FLOT2: variants seen among roughly 807,000 people sequenced by gnomAD.
FLOT2 encodes the protein flotillin 2.
A neutral mutation model predicts 54.9 loss-of-function variants in FLOT2; 35 were observed. The ratio of observed to expected loss-of-function variants is 0.64; its 90% CI spans 0.49 to 0.84. The LOEUF is 0.84. Ranked by LOEUF, FLOT2 falls within the 40% of genes least tolerant of loss-of-function variation. The pLI, the probability that FLOT2 is intolerant of heterozygous loss-of-function variation, is 0.00. For missense variants in FLOT2, 464 were observed against 572.1 expected (o/e 0.81, Z 1.93); for synonymous variants, 207 against 228.9 (o/e 0.90, Z 0.86).
At chr17:28,889,271 T>C (rs1009688505) in intron 1 of FLOT2, among the ~76,000 whole-genome samples, 1 of 151,962 alleles carries the variant, frequency 6.6e-6, no homozygotes, top group Non-Finnish European at 1.5e-5. Context: ...TAGTTTAGAA[T>C]GTAAGTGCTT....
At chr17:28,888,107 C>A (rs1172037965) in intron 2 of FLOT2, among the ~76,000 whole-genome samples, 1 of 152,246 alleles carries the variant, frequency 6.6e-6, no homozygotes, top group Middle Eastern at 3.2e-3. Flanking sequence ...AACATGCCCA[C>A]AGCTCTGCTG....
Position 28,882,506 on chromosome 17 carries a change from G to A in FLOT2, c.466-56C>T. 9 of 1,589,110 alleles carry A rather than the reference G, an allele frequency of 5.7e-6. No individual in the cohort carries two copies. Among genetic ancestry groups the A allele is most frequent in the Non-Finnish European group, 7.8e-6 (9 of 1,157,454 alleles). On this transcript the variant is annotated intron_variant, in intron 5 of 10. Coordinates refer to ENST00000394908, the MANE Select transcript of FLOT2 (RefSeq NM_004475.3). The surrounding 1 kb of genome is among the most constrained non-coding windows in gnomAD (Gnocchi z 5.6). ...AAGGAGCAGCCAGAGGCACAAAGGT[G>A]CCCCTCTAACAAAGCCACCATCTCC...
intron 2 of FLOT2, among the ~76,000 whole-genome samples, chr17:28,886,437 ACTAT>A (rs1370202730): frequency 6.6e-6 from 1 of 152,236 alleles, no homozygotes; most frequent in African/African-American, 2.4e-5. Context: ...CCAGGTCTGC[ACTAT>A]CTATCACTAA....
chr17:28,895,016 A>G (rs528405930), intron 1 of FLOT2, among the ~76,000 whole-genome samples: 1 of 142,646 alleles, frequency 7.0e-6, no homozygotes, highest in Admixed American at 7.4e-5. Context: ...GGCTCAAGCG[A>G]TCCTCCCACC....
At position 28,881,140 on chromosome 17, in the gene FLOT2, T is replaced by C. The variant is rs546812286; in HGVS notation, c.1098+52A>G. ...AGAGAAGTTCTGGCACTTGCCCAGC[T>C]TGTCAAGCAAGGACACTTGAACCCT... On this transcript the variant is annotated intron_variant, in intron 9 of 10. Transcript: ENST00000394908. The C allele has an allele frequency of 7.8e-6, 12 of 1,541,070 alleles. No individual in the cohort carries two copies. In the South Asian group the frequency reaches 1.4e-4, roughly 18 times the overall value.
In FLOT2 at chr17:28,897,265, C is replaced by A. The variant is rs918472703; in HGVS notation, c.49+261G>T. On this transcript the variant is annotated intron_variant, in intron 1 of 10. Coordinates refer to ENST00000394908, the MANE Select transcript of FLOT2 (RefSeq NM_004475.3). The surrounding 1 kb of genome is among the most constrained non-coding windows in gnomAD (Gnocchi z 4.4). ...CTCACAGTAGAGCGGCGGGGAGGCC[C>A]GCCTAGGGAGGGGGAGGAGAAGCAA... Among the ~76,000 whole-genome samples, 1 of 152,226 alleles carries A rather than the reference C, an allele frequency of 6.6e-6. No individual in the cohort carries two copies. The highest frequency in any genetic ancestry group is 1.5e-5 in the Non-Finnish European group (1 of 68,026).
Position 28,884,376 on chromosome 17 carries a change from A to G in FLOT2, c.132-61T>C, listed in dbSNP as rs190517951. 9.1e-7 allele frequency: 1 copy of G among 1,101,364 alleles called. No individual in the cohort carries two copies. Among genetic ancestry groups the G allele is most frequent in the Non-Finnish European group, 1.4e-6 (1 of 737,458 alleles). The allele number at this position is 1,101,364 out of a possible 1,614,324, so 68.2% of individuals were successfully genotyped here. On this transcript the variant is annotated intron_variant, in intron 2 of 10. Coordinates refer to ENST00000394908, the MANE Select transcript of FLOT2 (RefSeq NM_004475.3). This position sits in a 1 kb window ranked among gnomAD's most constrained non-coding sequence, Gnocchi z 5.1. ...GGGCGCAGGGCCTGGTGGTGTTGGGAAAGAGGCCAGTACCTCACTGCTCCG... is the reference window on the plus strand; with the variant it reads ...GGGCGCAGGGCCTGGTGGTGTTGGGGAAGAGGCCAGTACCTCACTGCTCCG...
At position 28,897,128 on chromosome 17, in the gene FLOT2, G is replaced by A. The variant is rs1247800989; in HGVS notation, c.49+398C>T. ...ATACAGGCACCTGCCCTCCAGGGCT[G>A]CGCGACCCGCCCCCCATCCCGGGCG... On this transcript the variant is annotated intron_variant, in intron 1 of 10. Coordinates refer to ENST00000394908, the MANE Select transcript of FLOT2 (RefSeq NM_004475.3). This position sits in a 1 kb window ranked among gnomAD's most constrained non-coding sequence, Gnocchi z 4.4. Among the ~76,000 whole-genome samples, 1 of 152,150 alleles carries A rather than the reference G, an allele frequency of 6.6e-6. No individual in the cohort carries two copies. Among genetic ancestry groups the A allele is most frequent in the African/African-American group, 2.4e-5 (1 of 41,438 alleles).
At chr17:28,891,514 C>A (rs1158770332) in intron 1 of FLOT2, among the ~76,000 whole-genome samples, 1 of 152,222 alleles carries the variant, frequency 6.6e-6, no homozygotes, top group Admixed American at 6.5e-5. Context: ...GTGGCTGATA[C>A]TGGCAGACAA....
chr17:28,888,898 C>T (rs1347261420), intron 2 of FLOT2, 47 bp downstream of exon 2: 1 of 1,455,124 alleles, frequency 6.9e-7, no homozygotes, highest in Non-Finnish European at 9.5e-7. Context: ...AAGCCCCTCT[C>T]TCCCTGGCCC....
intron 2 of FLOT2, chr17:28,885,498 G>A: frequency 2.9e-6 from 2 of 687,380 alleles, no homozygotes; most frequent in Non-Finnish European, 5.4e-6. Context: ...ATGAAGAGGG[G>A]AACCCACACA....
chr17:28,880,692 CGCAGCTAG>C lies in FLOT2; in HGVS notation c.1248+13_1248+20del, dbSNP rs776067761. On this transcript the variant is annotated intron_variant, in intron 10 of 10. Coordinates refer to ENST00000394908, the MANE Select transcript of FLOT2 (RefSeq NM_004475.3). Reference sequence around the variant, plus strand: ...CGACGGGCTACCTGGGCAACCCCACCGCAGCTAGGCAGGCACATACCTTAGACAGGTCC... The same window carrying C: ...CGACGGGCTACCTGGGCAACCCCACCGCAGGCACATACCTTAGACAGGTCC... The C allele has an allele frequency of 1.2e-5, 20 of 1,614,070 alleles. No individual in the cohort carries two copies. In the South Asian group the frequency reaches 2.0e-4, roughly 16 times the overall value.
At chr17:28,890,862 CTT>C (rs869029497) in intron 1 of FLOT2, among the ~76,000 whole-genome samples, 12 of 74,932 alleles carry the variant, frequency 1.6e-4, no homozygotes, top group Admixed American at 5.3e-4. Flanking sequence ...ATCATTTCTT[CTT>C]TTTTTTTTTT....
Position 28,889,011 on chromosome 17 carries a change from G to A in FLOT2, c.65C>T (p.Ser22Phe). 1 of 1,614,068 alleles carries A rather than the reference G, an allele frequency of 6.2e-7. No individual in the cohort carries two copies. Among genetic ancestry groups the A allele is most frequent in the Non-Finnish European group, 8.5e-7 (1 of 1,179,980 alleles). Residue 22 changes from serine (S) to phenylalanine (F), a missense_variant, in exon 2 of 11, where the codon TCC becomes TTC. Transcript: ENST00000394908. ...ALVVSGGCCGSDYKQYVFGGW... is the reference protein window; with the variant it reads ...ALVVSGGCCGFDYKQYVFGGW... The stretch of plus-strand genomic sequence containing the variant: ...GCCAAACACGTACTGTTTATAGTCG[G>A]AACCACAACAGCCCCCTGGGGAGCA...
At chr17:28,896,116 T>C (rs545404924) in intron 1 of FLOT2, among the ~76,000 whole-genome samples, 1 of 152,352 alleles carries the variant, frequency 6.6e-6, no homozygotes, top group Admixed American at 6.5e-5. Context: ...CAAGATCTCC[T>C]CTTCCCACCC....
intron 2 of FLOT2, chr17:28,886,058 C>G (rs148675708): frequency 0.015 from 7,157 of 474,274 alleles, 258 homozygotes; most frequent in South Asian, 0.035. Context: ...CGCCTGGGGG[C>G]GGGGGGGGGC....
chr17:28,893,368 C>T, intron 1 of FLOT2: 1 of 152,686 alleles, frequency 6.5e-6, no homozygotes, highest in Non-Finnish European at 1.5e-5. Flanking sequence ...CCACTCTGCC[C>T]TCTCAGGAGC....
At chr17:28,892,502 C>T (rs749398525) in intron 1 of FLOT2, 2 of 152,008 alleles carry the variant, frequency 1.3e-5, no homozygotes, top group African/African-American at 2.4e-5. Flanking sequence ...GCCACCATGC[C>T]CAGCTTTTTT....
chr17:28,892,859 C>T (rs1323761257), intron 1 of FLOT2: 50 of 152,076 alleles, frequency 3.3e-4, no homozygotes, highest in Non-Finnish European at 2.9e-5. Context: ...CCATGTTGGC[C>T]GGGCTGGTCT....
Sources: allele counts gnomAD v4.1 joint callset (sites outside exome capture counted in the v4.1 genomes callset), GRCh38; gene constraint gnomAD v4.1.1; non-coding constraint Gnocchi (gnomAD v3.1); transcripts MANE v1.5; gene names NCBI Gene and HGNC (gene_info 2026-07-23, HGNC 2026-07-21).